The following RUFY2 variants were observed in gnomAD, a reference collection of about 807,000 sequenced individuals.
The protein encoded by RUFY2 is RUN and FYVE domain-containing protein 2.
RUFY2 carries 49 observed loss-of-function variants against 94.4 expected under a neutral mutation model. The ratio of observed to expected loss-of-function variants is 0.52; its 90% CI spans 0.41 to 0.66. The LOEUF (loss-of-function observed/expected upper bound fraction) is 0.66, where lower values mean the gene tolerates loss of function less well. Among genes scored for constraint, RUFY2 ranks in the 30% least tolerant of loss-of-function variants. RUFY2 has a pLI of 0.00. For missense variants in RUFY2, 541 were observed against 692.8 expected (o/e 0.78, Z 2.46); for synonymous variants, 255 against 235.7 (o/e 1.08, Z -0.75).
At position 68,378,664 on chromosome 10, in the gene RUFY2, G is replaced by A. The variant is rs142776124; in HGVS notation, c.1205+760C>T. 8.3e-5 allele frequency: 134 copies of A among 1,609,074 alleles called. 1 individual carries two copies. The highest frequency in any genetic ancestry group is 7.9e-4 in the African/African-American group (59 of 74,790). On this transcript the variant is annotated intron_variant, in intron 12 of 17. Coordinates refer to ENST00000602465, the MANE Select transcript of RUFY2 (RefSeq NM_001330103.2). Reference sequence around the variant, plus strand: ...TTGTCCTAGTTTGAGTTAACAAATCGTTGTCACTTCATAATGGAATGGAAA... The same window carrying A: ...TTGTCCTAGTTTGAGTTAACAAATCATTGTCACTTCATAATGGAATGGAAA...
rs140368181 is a variant in RUFY2 at position 68,406,987 on chromosome 10, G to GGAAC, written c.4+195_4+198dup. On this transcript the variant is annotated intron_variant, in intron 1 of 17. Transcript: ENST00000602465. Reference sequence around the variant, plus strand: ...CTCAGAACCCGGGCGGGAACGGGCCGGAACAAGGGAGGGGGCGCGTTGCCA... The same window carrying GGAAC: ...CTCAGAACCCGGGCGGGAACGGGCCGGAACGAACAAGGGAGGGGGCGCGTTGCCA... The GGAAC allele has an allele frequency of 1.5e-3, 2,304 of 1,517,526 alleles. 43 individuals carry two copies. In the African/African-American group the frequency reaches 0.028, roughly 19 times the overall value. 94.0% of individuals were successfully genotyped at this position (1,517,526 alleles called of 1,614,324 possible). A position where few individuals can be genotyped will look rare whatever the true frequency, so the allele number is the denominator to read the frequency against.
At chr10:68,401,854 C>A in intron 2 of RUFY2, 117 bp from the exon 3 acceptor site, 1 of 675,330 alleles carries the variant, frequency 1.5e-6, no homozygotes, top group Admixed American at 2.4e-5. Context: ...GAGATCTTTC[C>A]TCTTTTATCC....
intron 4 of RUFY2, among the ~76,000 whole-genome samples, chr10:68,395,127 C>CAGG (rs746913203): frequency 7.0e-4 from 107 of 151,956 alleles, no homozygotes; most frequent in Non-Finnish European, 1.1e-3. Flanking sequence ...CACTTGAAGT[C>CAGG]AGGAGTTCAA....
intron 15 of RUFY2, among the ~76,000 whole-genome samples, chr10:68,359,166 G>C (rs982339791): frequency 2.0e-5 from 3 of 151,936 alleles, no homozygotes; most frequent in Non-Finnish European, 2.9e-5. Context: ...ATCACTTGAG[G>C]TCAGGAGTTC....
intron 13 of RUFY2, among the ~76,000 whole-genome samples, chr10:68,373,335 AAAT>A (rs1335278642): frequency 6.6e-6 from 1 of 152,260 alleles, no homozygotes; most frequent in Non-Finnish European, 1.5e-5. Flanking sequence ...AGAAAAAATT[AAAT>A]AGAGGAACAA....
chr10:68,392,664 T>A (rs566879647), intron 7 of RUFY2, among the ~76,000 whole-genome samples: 1 of 151,874 alleles, frequency 6.6e-6, no homozygotes, highest in Non-Finnish European at 1.5e-5. Context: ...GGTTCACGCC[T>A]GTAATCTCAG....
intron 8 of RUFY2, among the ~76,000 whole-genome samples, chr10:68,385,246 A>G (rs2049402670): frequency 6.6e-6 from 1 of 151,970 alleles, no homozygotes; most frequent in Non-Finnish European, 1.5e-5. Flanking sequence ...CCTGGGTGAC[A>G]GAGCAAGACT....
In RUFY2 at chr10:68,345,232, T is replaced by C. The variant is rs1447437070; in HGVS notation, c.*536A>G. ...TTTTTAAAGAGACCAAGAGGAAATTTTGTAGGACAAAATATTGGCCCTGTC... is the reference window on the plus strand; with the variant it reads ...TTTTTAAAGAGACCAAGAGGAAATTCTGTAGGACAAAATATTGGCCCTGTC... On this transcript the variant is annotated 3_prime_UTR_variant, in exon 18 of 18. Transcript: ENST00000602465. 1.7e-5 allele frequency: 3 copies of C among 172,090 alleles called. No homozygotes were observed. Among genetic ancestry groups the C allele is most frequent in the African/African-American group, 7.1e-5 (3 of 42,378 alleles). The allele number at this position is 172,090 out of a possible 1,614,324, so 10.7% of individuals were successfully genotyped here.
downstream of RUFY2, chr10:68,342,065 A>AC: frequency 1.9e-6 from 3 of 1,606,284 alleles, no homozygotes; most frequent in South Asian, 3.3e-5. Context: ...AAGCAAAAAC[A>AC]CCAACATACA....
intron 4 of RUFY2, 135 bp downstream of exon 4, chr10:68,396,645 A>G: frequency 1.9e-6 from 1 of 531,928 alleles, no homozygotes; most frequent in Non-Finnish European, 3.3e-6. Context: ...TTTCTGTCTC[A>G]TTTTGCTCCT....
intron 3 of RUFY2, 62 bp from the exon 4 acceptor site, chr10:68,396,943 CT>C: frequency 9.4e-7 from 1 of 1,065,738 alleles, no homozygotes; most frequent in Non-Finnish European, 1.4e-6. Context: ...TCTTCTGTCT[CT>C]AGAGGTAAAC....
chr10:68,346,336 A>C, intron 16 of RUFY2: 1 of 362,608 alleles, frequency 2.8e-6, no homozygotes, highest in Non-Finnish European at 5.0e-6. Context: ...CACACCGGTA[A>C]TTCCAGCTAC....
chr10:68,391,754 G>A (rs2050006249), intron 7 of RUFY2, among the ~76,000 whole-genome samples: 2 of 150,864 alleles, frequency 1.3e-5, no homozygotes, highest in South Asian at 2.1e-4. Context: ...GAGGTCAAGA[G>A]TTCGAGACCA....
intron 7 of RUFY2, among the ~76,000 whole-genome samples, chr10:68,386,510 C>T (rs982989214): frequency 9.9e-5 from 15 of 152,032 alleles, no homozygotes; most frequent in African/African-American, 3.1e-4. Flanking sequence ...CCACCATGCC[C>T]GGCTAATTTT....
chr10:68,366,652 G>A (rs970285959), intron 13 of RUFY2, among the ~76,000 whole-genome samples: 1 of 148,682 alleles, frequency 6.7e-6, no homozygotes, highest in African/African-American at 2.5e-5. Context: ...TGAGGCACGA[G>A]AATTGCTTGA....
intron 15 of RUFY2, among the ~76,000 whole-genome samples, chr10:68,361,710 T>C (rs116696289): frequency 0.028 from 4,340 of 152,314 alleles, 210 homozygotes; most frequent in African/African-American, 0.099. Context: ...TGGAAATTGG[T>C]TGCATTATCT....
At chr10:68,369,812 A>T (rs2132580069) in intron 13 of RUFY2, among the ~76,000 whole-genome samples, 1 of 152,192 alleles carries the variant, frequency 6.6e-6, no homozygotes, top group Non-Finnish European at 1.5e-5. Flanking sequence ...CTCTCGGTAC[A>T]CCCCTCTTGC....
intron 10 of RUFY2, among the ~76,000 whole-genome samples, chr10:68,381,783 G>C (rs1401123146): frequency 6.6e-6 from 1 of 152,220 alleles, no homozygotes; most frequent in Admixed American, 6.5e-5. Context: ...AGGAGGCAAA[G>C]GTTGCAGTGA....
At chr10:68,393,005 C>A in intron 7 of RUFY2, 133 bp downstream of exon 7, 1 of 375,394 alleles carries the variant, frequency 2.7e-6, no homozygotes, top group Non-Finnish European at 4.8e-6. Flanking sequence ...TGTATTCTTA[C>A]TTTCCATTTT....
Sources: allele counts gnomAD v4.1 joint callset (sites outside exome capture counted in the v4.1 genomes callset), GRCh38; gene constraint gnomAD v4.1.1; transcripts MANE v1.5; gene names NCBI Gene and HGNC (gene_info 2026-07-23, HGNC 2026-07-21).